SKIC3: variants seen among roughly 807,000 people sequenced by gnomAD.
SKIC3 encodes the protein superkiller complex protein 3.
At chr5:95,482,552 T>C in the SKIC3 span, 1 of 1,614,098 alleles carries the variant, frequency 6.2e-7, no homozygotes, top group East Asian at 2.2e-5. Context: ...GAGTGGCTTT[T>C]GTGACTCCAG....
At chr5:95,513,462 G>A in the SKIC3 span, 31 of 1,202,668 alleles carry the variant, frequency 2.6e-5, no homozygotes, top group Middle Eastern at 2.6e-4. Flanking sequence ...CAAATCACTG[G>A]GATTACAGGC....
chr5:95,516,671 C>G, the SKIC3 span: 1 of 1,613,286 alleles, frequency 6.2e-7, no homozygotes, highest in Non-Finnish European at 8.5e-7. Flanking sequence ...TCAATTCTCA[C>G]CACTGTAACA....
At chr5:95,465,906 T>C in the SKIC3 span, among the ~76,000 whole-genome samples, 1 of 152,228 alleles carries the variant, frequency 6.6e-6, no homozygotes, top group Non-Finnish European at 1.5e-5. Context: ...GGCCTCCTGC[T>C]CACAGGATAT....
the SKIC3 span, among the ~76,000 whole-genome samples, chr5:95,525,919 C>CA: frequency 2.0e-5 from 3 of 152,096 alleles, no homozygotes; most frequent in Non-Finnish European, 4.4e-5. Flanking sequence ...CATCCAGCTA[C>CA]AAAACCACAA....
the SKIC3 span, chr5:95,497,567 G>C: frequency 1.7e-5 from 18 of 1,078,646 alleles, no homozygotes; most frequent in South Asian, 2.5e-4. Context: ...AATTTATTAA[G>C]TTTAAAACTT....
At chr5:95,539,098 CTGTGAA>C in the SKIC3 span, among the ~76,000 whole-genome samples, 3 of 152,284 alleles carry the variant, frequency 2.0e-5, no homozygotes, top group Admixed American at 6.5e-5. Flanking sequence ...AGAAGAGCCT[CTGTGAA>C]TTTAAAATTG....
the SKIC3 span, among the ~76,000 whole-genome samples, chr5:95,507,608 T>G: frequency 6.6e-6 from 1 of 152,188 alleles, no homozygotes; most frequent in African/African-American, 2.4e-5. Context: ...TTTTTGGTTT[T>G]TATTTTCTTT....
the SKIC3 span, chr5:95,516,297 C>A: frequency 3.1e-6 from 5 of 1,591,096 alleles, no homozygotes; most frequent in African/African-American, 5.4e-5. Context: ...ATTGAGGAGA[C>A]AATAATATAG....
At chr5:95,517,790 G>A in the SKIC3 span, among the ~76,000 whole-genome samples, 2 of 152,074 alleles carry the variant, frequency 1.3e-5, no homozygotes, top group East Asian at 3.9e-4. Context: ...AAGCTCATGA[G>A]TTGGGAACTC....
the SKIC3 span, chr5:95,540,937 T>C: frequency 2.7e-6 from 3 of 1,123,124 alleles, no homozygotes; most frequent in Non-Finnish European, 3.9e-6. Context: ...TATATAAAAA[T>C]AGCAAAAGCA....
the SKIC3 span, among the ~76,000 whole-genome samples, chr5:95,536,163 A>C: frequency 6.6e-6 from 1 of 152,202 alleles, no homozygotes; most frequent in Non-Finnish European, 1.5e-5. Context: ...TCTTCCTCCC[A>C]AACAAAGTAC....
chr5:95,529,687 G>C, the SKIC3 span, among the ~76,000 whole-genome samples: 2,771 of 152,164 alleles, frequency 0.018, 36 homozygotes, highest in Non-Finnish European at 0.028. Context: ...TTGAATGTAG[G>C]TTCTTCCAGA....
chr5:95,543,530 A>T, the SKIC3 span, among the ~76,000 whole-genome samples: 1 of 152,276 alleles, frequency 6.6e-6, no homozygotes, highest in Middle Eastern at 3.4e-3. Flanking sequence ...GCTTTGAAAT[A>T]ACAGGTGGTT....
the SKIC3 span, among the ~76,000 whole-genome samples, chr5:95,483,618 G>A: frequency 6.6e-6 from 1 of 152,134 alleles, no homozygotes. Flanking sequence ...TCTGTAAAAT[G>A]TATACTGATC....
the SKIC3 span, chr5:95,502,845 TG>T: frequency 6.2e-7 from 1 of 1,609,964 alleles, no homozygotes; most frequent in Non-Finnish European, 8.5e-7. Flanking sequence ...TCTAAGTATC[TG>T]GTCATGTTAA....
chr5:95,468,231 T>G, the SKIC3 span, among the ~76,000 whole-genome samples: 5 of 152,136 alleles, frequency 3.3e-5, no homozygotes, highest in Admixed American at 2.0e-4. Context: ...AAAATCTTAT[T>G]AGGTAGGTAG....
At chr5:95,466,325 C>T in the SKIC3 span, among the ~76,000 whole-genome samples, 1 of 152,112 alleles carries the variant, frequency 6.6e-6, no homozygotes, top group Non-Finnish European at 1.5e-5. Context: ...AAAGATAATA[C>T]GAACATTCCA....
the SKIC3 span, chr5:95,497,367 TATCACAAGTTA>T: frequency 7.2e-7 from 1 of 1,386,154 alleles, no homozygotes; most frequent in African/African-American, 1.4e-5. Flanking sequence ...ATATTTACCA[TATCACAAGTTA>T]TTTTATCTCT....
the SKIC3 span, among the ~76,000 whole-genome samples, chr5:95,468,329 T>C: frequency 5.3e-5 from 8 of 152,150 alleles, no homozygotes; most frequent in African/African-American, 1.9e-4. Flanking sequence ...TTTTATAATC[T>C]ACTTTGAGTG....
Sources: allele counts gnomAD v4.1 joint callset (sites outside exome capture counted in the v4.1 genomes callset), GRCh38; gene constraint gnomAD v4.1.1; transcripts MANE v1.5; gene names NCBI Gene and HGNC (gene_info 2026-07-23, HGNC 2026-07-21).